Variants in CCDC178 observed in about 807,000 individuals in gnomAD.
The protein encoded by CCDC178 is coiled-coil domain containing 178, also known as coiled-coil domain-containing protein 178.
A neutral mutation model predicts 117.4 loss-of-function variants in CCDC178; 126 were observed. The observed-to-expected ratio is 1.07, with a 90% CI of 0.93 to 1.24. The LOEUF is 1.24. Ranked by LOEUF, CCDC178 falls within the 50% of genes most tolerant of loss-of-function variation. The pLI, the probability that CCDC178 is intolerant of heterozygous loss-of-function variation, is 0.00. For missense variants in CCDC178, 1,030 were observed against 986.9 expected, an observed-to-expected ratio of 1.04 and a Z score of -0.59; for synonymous variants, 283 against 313.4, an observed-to-expected ratio of 0.90 and a Z score of 1.02.
intron 11 of CCDC178, among the ~76,000 whole-genome samples, chr18:33,294,317 A>C (rs559142830): frequency 6.6e-6 from 1 of 152,304 alleles, no homozygotes; most frequent in South Asian, 2.1e-4. Flanking sequence ...AATATAGATA[A>C]TTACAACTTT....
chr18:32,960,006 A>G (rs920829414), intron 22 of CCDC178, among the ~76,000 whole-genome samples: 24 of 152,138 alleles, frequency 1.6e-4, no homozygotes, highest in African/African-American at 4.1e-4. Context: ...GGGAAGAAAT[A>G]CATTTTGGCT....
chr18:33,000,725 A>G (rs894681841), intron 21 of CCDC178, among the ~76,000 whole-genome samples: 1 of 152,226 alleles, frequency 6.6e-6, no homozygotes, highest in Non-Finnish European at 1.5e-5. Context: ...ATCCAGTGAA[A>G]ATATCTTTAA....
At chr18:33,251,012 G>A (rs2059614123) in intron 14 of CCDC178, among the ~76,000 whole-genome samples, 1 of 151,574 alleles carries the variant, frequency 6.6e-6, no homozygotes, top group Admixed American at 6.6e-5. Context: ...TCAAATTAAG[G>A]AGAAAAATTG....
intron 20 of CCDC178, among the ~76,000 whole-genome samples, chr18:33,094,979 T>A (rs2057521703): frequency 6.6e-6 from 1 of 152,012 alleles, no homozygotes; most frequent in South Asian, 2.1e-4. Context: ...ACTGAAAATG[T>A]TTAAGTTTAA....
rs541371344 is a variant in CCDC178 at position 33,247,861 on chromosome 18, T to C, written c.1410-2433A>G. Among the ~76,000 whole-genome samples the C allele has an allele frequency of 4.6e-5, 7 of 151,946 alleles. No individual in the cohort carries two copies. In the South Asian group the frequency reaches 1.5e-3, roughly 31 times the overall value. ...GTGTGGTGTGTGTTTGAGTATGTGT[T>C]AAGCGACATTCCAGTTGATTTTCAG... On this transcript the variant is annotated intron_variant, in intron 14 of 22. Transcript: ENST00000383096.
chr18:33,297,073 A>T (rs562798988), intron 11 of CCDC178, among the ~76,000 whole-genome samples: 57 of 152,216 alleles, frequency 3.7e-4, no homozygotes, highest in African/African-American at 1.4e-3. Context: ...AAATTAAATG[A>T]TATATTCCTG....
intron 21 of CCDC178, among the ~76,000 whole-genome samples, chr18:33,049,698 T>G (rs1485300955): frequency 2.0e-5 from 3 of 152,150 alleles, no homozygotes; most frequent in African/African-American, 4.8e-5. Flanking sequence ...TGCATCACAC[T>G]TTTTGCTAAT....
intron 10 of CCDC178, chr18:33,328,101 T>TG (rs775701579): frequency 7.1e-5 from 13 of 183,098 alleles, no homozygotes; most frequent in Non-Finnish European, 1.0e-4. Context: ...TTTTTTTTTT[T>TG]TTTTTTTTTT....
At chr18:33,284,227 G>A (rs2060068335) in intron 12 of CCDC178, among the ~76,000 whole-genome samples, 1 of 152,048 alleles carries the variant, frequency 6.6e-6, no homozygotes, top group South Asian at 2.1e-4. Context: ...ATACACAGAG[G>A]GGAACAACAC....
At chr18:32,942,715 C>T (rs2054268084) in intron 22 of CCDC178, among the ~76,000 whole-genome samples, 1 of 151,876 alleles carries the variant, frequency 6.6e-6, no homozygotes, top group African/African-American at 2.4e-5. Context: ...ATCAAATTAT[C>T]TCCCAAAGCA....
At chr18:33,203,719 T>C (rs1399625701) in intron 20 of CCDC178, among the ~76,000 whole-genome samples, 1 of 152,176 alleles carries the variant, frequency 6.6e-6, no homozygotes, top group Non-Finnish European at 1.5e-5. Flanking sequence ...TCTAAGTAAA[T>C]GTCAAATTCC....
chr18:33,076,052 T>C (rs1291817668), intron 21 of CCDC178, among the ~76,000 whole-genome samples: 1 of 152,230 alleles, frequency 6.6e-6, no homozygotes, highest in African/African-American at 2.4e-5. Context: ...GTTCCCTTTG[T>C]AGGCACTGTA....
At chr18:33,136,985 A>G (rs2058136389) in intron 20 of CCDC178, among the ~76,000 whole-genome samples, 1 of 152,206 alleles carries the variant, frequency 6.6e-6, no homozygotes, top group South Asian at 2.1e-4. Context: ...AATATCCCTG[A>G]TCCCATATCA....
At chr18:33,133,077 T>G (rs1418607577) in intron 20 of CCDC178, among the ~76,000 whole-genome samples, 1 of 151,800 alleles carries the variant, frequency 6.6e-6, no homozygotes, top group Non-Finnish European at 1.5e-5. Flanking sequence ...TAACTCCAAT[T>G]AACTCTAATG....
At chr18:33,299,789 A>AC (rs2062153383) in intron 11 of CCDC178, among the ~76,000 whole-genome samples, 1 of 149,646 alleles carries the variant, frequency 6.7e-6, no homozygotes. Flanking sequence ...AAAAAAACAC[A>AC]AAAAACAAAA....
intron 21 of CCDC178, among the ~76,000 whole-genome samples, chr18:33,086,769 T>C (rs2057385044): frequency 6.6e-6 from 1 of 152,092 alleles, no homozygotes; most frequent in Admixed American, 6.6e-5. Flanking sequence ...TCAAGGTTTA[T>C]TAACCTCAGC....
intron 20 of CCDC178, among the ~76,000 whole-genome samples, chr18:33,192,856 G>A (rs1437482849): frequency 2.7e-5 from 4 of 149,308 alleles, no homozygotes; most frequent in Admixed American, 6.7e-5. Context: ...AGCCGAGATC[G>A]TGCCACTGTA....
At chr18:32,970,439 T>C (rs780304924) in intron 22 of CCDC178, among the ~76,000 whole-genome samples, 11 of 152,034 alleles carry the variant, frequency 7.2e-5, no homozygotes, top group Non-Finnish European at 1.2e-4. Flanking sequence ...CGAAATCTTA[T>C]GGCATCATTT....
chr18:33,102,406 G>C (rs1173428441), intron 20 of CCDC178, among the ~76,000 whole-genome samples: 1 of 148,912 alleles, frequency 6.7e-6, no homozygotes, highest in East Asian at 2.0e-4. Flanking sequence ...GATACTCATG[G>C]AGGAGAGTGC....
Sources: gnomAD v4.1 joint callset for allele counts (sites outside exome capture counted in the v4.1 genomes callset) on GRCh38, gnomAD v4.1.1 for gene constraint, MANE v1.5 for transcripts, NCBI Gene and HGNC (gene_info 2026-07-23, HGNC 2026-07-21) for gene names.